CD8A: variants seen among roughly 807,000 people sequenced by gnomAD.
The protein encoded by CD8A is CD8 subunit alpha, also known as T-cell surface glycoprotein CD8 alpha chain.
CD8A carries 25 observed loss-of-function variants against 24.2 expected under a neutral mutation model. The observed-to-expected ratio is 1.03, with a 90% CI of 0.75 to 1.44. The LOEUF (loss-of-function observed/expected upper bound fraction) is 1.44. Among genes scored for constraint, CD8A ranks in the 40% most tolerant of loss-of-function variants. The probability of loss-of-function intolerance (pLI) is 0.00; values close to 1 mark genes in which losing one functional copy is unlikely to be tolerated. For missense variants in CD8A, 360 were observed against 319.7 expected, an observed-to-expected ratio of 1.13 and a Z score of -0.96; for synonymous variants, 165 against 149.9, an observed-to-expected ratio of 1.10 and a Z score of -0.74.
chr2:86,807,052 C>G (rs553645815), intron 2 of CD8A, among the ~76,000 whole-genome samples: 159 of 152,086 alleles, frequency 1.0e-3, no homozygotes, highest in African/African-American at 3.6e-3. Context: ...GGACAGGACT[C>G]AGGAGGCCTC....
Position 86,788,562 on chromosome 2 carries a change from T to A in CD8A, c.626-2A>T, listed in dbSNP as rs534544636. On this transcript the variant is annotated splice_acceptor_variant, in intron 4 of 5. Transcript: ENST00000283635. LOFTEE classifies it high-confidence loss of function. The stretch of plus-strand genomic sequence containing the variant: ...ATTTGCAAACACGTCTTCGGTTCCC[T>A]GGATAAGGAAAAAGAAGGGAAAAAG... 1.4e-5 allele frequency: 22 copies of A among 1,612,894 alleles called. No individual in the cohort carries two copies. In the South Asian group the frequency reaches 2.0e-4, roughly 15 times the overall value.
Position 86,790,858 on chromosome 2 carries a change from G to T in CD8A, c.-33C>A, listed in dbSNP as rs1573462375. 1 of 1,536,148 alleles carries T rather than the reference G, an allele frequency of 6.5e-7. No individual in the cohort carries two copies. The highest frequency in any genetic ancestry group is 8.7e-7 in the Non-Finnish European group (1 of 1,145,756). On this transcript the variant is annotated 5_prime_UTR_variant, in exon 1 of 6. Transcript: ENST00000283635. ...TCCCCAGGACGCTGCTTGGCTCGAAGCTCGGGCGCGAGGGGAGGCGCGCGG... is the reference window on the plus strand; with the variant it reads ...TCCCCAGGACGCTGCTTGGCTCGAATCTCGGGCGCGAGGGGAGGCGCGCGG...
At chr2:86,805,713 T>G (rs1673826373) in intron 2 of CD8A, among the ~76,000 whole-genome samples, 1 of 152,192 alleles carries the variant, frequency 6.6e-6, no homozygotes, top group African/African-American at 2.4e-5. Context: ...TCACTTAAAA[T>G]ACGAATTTTT....
At position 86,785,911 on chromosome 2, in the gene CD8A, T is replaced by C; in HGVS notation, c.*9A>G. ...CAGTTTGAAGTAATGTAGTGGCTGT[T>C]GCACAGGGTTAGACGTATCTCGCCG... On this transcript the variant is annotated 3_prime_UTR_variant, in exon 6 of 6. Transcript: ENST00000283635. 1 of 1,606,140 alleles carries C rather than the reference T, an allele frequency of 6.2e-7. No individual in the cohort carries two copies. The highest frequency in any genetic ancestry group is 1.1e-5 in the South Asian group (1 of 90,918).
intron 3 of CD8A, among the ~76,000 whole-genome samples, chr2:86,800,090 G>A (rs1573469180): frequency 2.6e-5 from 4 of 152,212 alleles, no homozygotes; most frequent in South Asian, 2.1e-4. Flanking sequence ...TGAGAATCAA[G>A]TTTAGCGCTA....
At chr2:86,791,639 C>G (rs1366238560), upstream of CD8A, 1 of 454,172 alleles carries the variant, frequency 2.2e-6, no homozygotes, top group Non-Finnish European at 4.4e-6. Flanking sequence ...GACAGCGTCA[C>G]TGCTGCAGCC....
intron 3 of CD8A, 74 bp downstream of exon 3, chr2:86,789,566 T>C: frequency 1.5e-6 from 2 of 1,304,654 alleles, no homozygotes; most frequent in South Asian, 1.2e-5. Flanking sequence ...CTACCTACAG[T>C]ATCAGGGCTG....
At chr2:86,806,718 G>C (rs1416252287) in intron 2 of CD8A, among the ~76,000 whole-genome samples, 1 of 152,066 alleles carries the variant, frequency 6.6e-6, no homozygotes, top group African/African-American at 2.4e-5. Flanking sequence ...CCATCCTCCG[G>C]CTTGCACCAC....
chr2:86,802,237 C>T (rs879854940), intron 2 of CD8A, among the ~76,000 whole-genome samples: 3 of 152,116 alleles, frequency 2.0e-5, no homozygotes, highest in Non-Finnish European at 4.4e-5. Context: ...AGGATTTCAC[C>T]ATGTTAGCCA....
In CD8A at chr2:86,789,808, C is replaced by T. The variant is rs1029851271; in HGVS notation, c.404-58G>A. On this transcript the variant is annotated intron_variant, in intron 2 of 5. Transcript: ENST00000283635. ...GGCTGGGGTTATGGAGGCGCCCCAG[C>T]CCCGGCCTCGCGCACCTTTCCCCAC... 4.7e-6 allele frequency: 5 copies of T among 1,069,738 alleles called. No individual in the cohort carries two copies. In the South Asian group the frequency reaches 7.9e-5, roughly 17 times the overall value. The allele number at this position is 1,069,738 out of a possible 1,614,324, so 66.3% of individuals were successfully genotyped here.
Position 86,784,716 on chromosome 2 carries a change from T to C in CD8A, c.*1204A>G, listed in dbSNP as rs1391001107. 6.6e-6 allele frequency: 3 copies of C among 453,222 alleles called. No individual in the cohort carries two copies. The Admixed American group carries it at 7.1e-5, about 11-fold the overall frequency. The allele number at this position is 453,222 out of a possible 1,614,324, so 28.1% of individuals were successfully genotyped here. A position where few individuals can be genotyped will look rare whatever the true frequency, so the allele number is the denominator to read the frequency against. The stretch of plus-strand genomic sequence containing the variant: ...AAAAGAAAGACATATTTTACATGTA[T>C]GTGTAGAAAATAATCAGGAAGAATG... On this transcript the variant is annotated 3_prime_UTR_variant, in exon 6 of 6. Coordinates refer to ENST00000283635, the MANE Select transcript of CD8A (RefSeq NM_001768.7).
At chr2:86,807,775 G>GCC (rs1446979144) in exon 2 of CD8A, 1 of 152,154 alleles carries the variant, frequency 6.6e-6, no homozygotes. Context: ...CGGTGTGCCT[G>GCC]AATCAGCCTA....
At chr2:86,792,122 C>A (rs540982242), upstream of CD8A, among the ~76,000 whole-genome samples, 1 of 152,266 alleles carries the variant, frequency 6.6e-6, no homozygotes, top group African/African-American at 2.4e-5. Context: ...GATCCTCCCA[C>A]CCCAGCCCCC....
Position 86,785,810 on chromosome 2 carries a change from C to G in CD8A, c.*110G>C. ...ACCCCGCCCCCACTAAAATAATAAT[C>G]ATGAGAATGAATACACAGGGAGGAA... On this transcript the variant is annotated 3_prime_UTR_variant, in exon 6 of 6. Transcript: ENST00000283635. The G allele has an allele frequency of 1.2e-6, 1 of 840,472 alleles. No homozygotes were observed. Among genetic ancestry groups the G allele is most frequent in the Middle Eastern group, 2.2e-4 (1 of 4,526 alleles). 52.1% of individuals were successfully genotyped at this position (840,472 alleles called of 1,614,324 possible). A position where few individuals can be genotyped will look rare whatever the true frequency, so the allele number is the denominator to read the frequency against.
At chr2:86,788,484 C>A in intron 5 of CD8A, 46 bp downstream of exon 5, 1 of 1,544,152 alleles carries the variant, frequency 6.5e-7, no homozygotes, top group Non-Finnish European at 8.9e-7. Context: ...AGGACCCCAC[C>A]CCAGGGCTGG....
chr2:86,800,012 G>GGTCTTC (rs1673614976), intron 3 of CD8A, among the ~76,000 whole-genome samples: 1 of 151,678 alleles, frequency 6.6e-6, no homozygotes, highest in Non-Finnish European at 1.5e-5. Context: ...CTTTGCCAAT[G>GGTCTTC]AGGTTAATGG....
Position 86,789,730 on chromosome 2 carries a change from C to T in CD8A, c.424G>A (p.Ala142Thr). Residue 142 changes from alanine to threonine, a missense_variant, in exon 3 of 6, where the codon GCG becomes ACG. Coordinates refer to ENST00000283635, the MANE Select transcript of CD8A (RefSeq NM_001768.7). ...GGCGCCGGTGTTGGTGGTCGCGGCG[C>T]TGGCGTCGTGGTGGGCTTCGCTGCA... The part of the protein sequence containing the change: ...FLPAKPTTTP[A>T]PRPPTPAPTI... The T allele has an allele frequency of 2.2e-6, 3 of 1,369,282 alleles. No individual in the cohort carries two copies. Among genetic ancestry groups the T allele is most frequent in the South Asian group, 1.9e-5 (1 of 51,730 alleles). The allele number at this position is 1,369,282 out of a possible 1,614,324, so 84.8% of individuals were successfully genotyped here. A position where few individuals can be genotyped will look rare whatever the true frequency, so the allele number is the denominator to read the frequency against.
intron 5 of CD8A, 40 bp downstream of exon 5, chr2:86,788,490 G>T (rs751482328): frequency 1.3e-6 from 2 of 1,549,424 alleles, no homozygotes; most frequent in Non-Finnish European, 1.8e-6. Flanking sequence ...CCACCCCAGG[G>T]CTGGCCAAGG....
upstream of CD8A, among the ~76,000 whole-genome samples, chr2:86,795,593 G>T (rs1228070857): frequency 6.6e-6 from 1 of 152,132 alleles, no homozygotes; most frequent in Non-Finnish European, 1.5e-5. Context: ...ACCATTCTTG[G>T]GCCTGGGTCT....
Sources: allele counts gnomAD v4.1 joint callset (sites outside exome capture counted in the v4.1 genomes callset), GRCh38; gene constraint gnomAD v4.1.1; transcripts MANE v1.5; gene names NCBI Gene and HGNC (gene_info 2026-07-23, HGNC 2026-07-21).